The following CELF2 variants were observed in gnomAD, a reference collection of about 807,000 sequenced individuals.
The protein encoded by CELF2 is CUGBP Elav-like family member 2.
Under a neutral mutation model 62.6 loss-of-function variants are expected in CELF2, and 8 were observed. That is an observed-to-expected ratio of 0.13 (90% CI 0.07 to 0.23). CELF2 has a LOEUF of 0.23. CELF2 is among the 10% of genes least tolerant of loss of function. CELF2 has a pLI of 1.00. For synonymous variants in CELF2, 258 were observed against 250.0 expected, an observed-to-expected ratio of 1.03 and a Z score of -0.30; for missense variants, 333 against 671.0, an observed-to-expected ratio of 0.50 and a Z score of 5.56.
chr10:11,132,622 A>G (rs1032532140), intron 1 of CELF2, among the ~76,000 whole-genome samples: 2 of 152,202 alleles, frequency 1.3e-5, no homozygotes, highest in Non-Finnish European at 2.9e-5. Flanking sequence ...AGAAAGTTAC[A>G]GCTCATTCAA....
chr10:11,174,930 T>C (rs1012299311), intron 2 of CELF2, among the ~76,000 whole-genome samples: 1 of 152,198 alleles, frequency 6.6e-6, no homozygotes, highest in Non-Finnish European at 1.5e-5. Flanking sequence ...TTACTCAGAA[T>C]TGCTATCAAT....
chr10:10,819,809 C>T lies in CELF2; in HGVS notation c.53+20992C>T, dbSNP rs147076451. On this transcript the variant is annotated intron_variant, in intron 1 of 13. Coordinates refer to the CELF2 transcript ENST00000636488. ...TGATTTTTCATGCACCTTCAGTTCC[C>T]ACCCATTGTCAACTGTCTCAGACTT... 1.2e-3 allele frequency among the ~76,000 whole-genome samples: 185 copies of T among 152,212 alleles called. 1 individual carries two copies. The highest frequency in any genetic ancestry group is 0.01 in the Middle Eastern group (3 of 294).
chr10:10,885,527 T>A (rs2061695762), intron 1 of CELF2, among the ~76,000 whole-genome samples: 1 of 151,818 alleles, frequency 6.6e-6, no homozygotes, highest in Non-Finnish European at 1.5e-5. Context: ...AATACTTACA[T>A]AAAGGAAGCA....
Position 11,303,603 on chromosome 10 carries a change from T to C in CELF2, c.977-10536T>C, listed in dbSNP as rs181549188. ...CACGCCCATCCGCAGAGGCAGTGTG[T>C]GTTACTCCCGTTTCGTGAATAAACA... On this transcript the variant is annotated intron_variant, in intron 9 of 12. Transcript: ENST00000633077. 3.3e-5 allele frequency among the ~76,000 whole-genome samples: 5 copies of C among 152,344 alleles called. No individual in the cohort carries two copies. The East Asian group carries it at 9.6e-4, about 29-fold the overall frequency.
At chr10:10,669,010 T>C in the CELF2 span, among the ~76,000 whole-genome samples, 1 of 152,148 alleles carries the variant, frequency 6.6e-6, no homozygotes, top group Non-Finnish European at 1.5e-5. Flanking sequence ...TACATGACTA[T>C]GAATATTAGT....
chr10:10,880,508 C>T lies in CELF2; in HGVS notation c.54-39456C>T, dbSNP rs535904170. On this transcript the variant is annotated intron_variant, in intron 1 of 13. Coordinates refer to the CELF2 transcript ENST00000636488. ...CCTATCTCCTTAACCGCATCTTTTTCGGACTGACTCTTACCCGAGAATCCT... is the reference window on the plus strand; with the variant it reads ...CCTATCTCCTTAACCGCATCTTTTTTGGACTGACTCTTACCCGAGAATCCT... Among the ~76,000 whole-genome samples, 12 of 152,240 alleles carry T rather than the reference C, an allele frequency of 7.9e-5. No individual in the cohort carries two copies. The East Asian group carries it at 1.7e-3, about 22-fold the overall frequency.
the CELF2 span, among the ~76,000 whole-genome samples, chr10:10,689,019 G>A: frequency 0.19 from 28,789 of 151,550 alleles, 3,124 homozygotes; most frequent in South Asian, 0.4. Context: ...TAAAAAAAAA[G>A]TAGTTAAATT....
At chr10:11,173,070 G>A (rs2069504035) in intron 2 of CELF2, among the ~76,000 whole-genome samples, 1 of 152,108 alleles carries the variant, frequency 6.6e-6, no homozygotes, top group Admixed American at 6.5e-5. Flanking sequence ...TAGGCTGCCT[G>A]TCTAGGCTGC....
intron 2 of CELF2, among the ~76,000 whole-genome samples, chr10:10,982,147 G>T (rs1023232742): frequency 6.6e-6 from 1 of 151,802 alleles, no homozygotes; most frequent in African/African-American, 2.4e-5. Flanking sequence ...GTAGAGACAG[G>T]TTTCACCATG....
Position 11,275,619 on chromosome 10 carries a change from C to T in CELF2, c.841+499C>T, listed in dbSNP as rs2085763991. On this transcript the variant is annotated intron_variant, in intron 8 of 12. Coordinates refer to ENST00000633077, the MANE Select transcript of CELF2 (RefSeq NM_001326342.2). ...TAACGACAGACAATTAACAGGGTGC[C>T]TTTTTACCGTAGTGCCCCAGTTGAC... is the stretch of plus-strand genomic sequence containing the variant. Among the ~76,000 whole-genome samples, 3 of 152,168 alleles carry T rather than the reference C, an allele frequency of 2.0e-5. No individual in the cohort carries two copies. In the South Asian group the frequency reaches 6.2e-4, roughly 31 times the overall value.
At chr10:10,652,799 A>G in the CELF2 span, among the ~76,000 whole-genome samples, 9 of 152,078 alleles carry the variant, frequency 5.9e-5, no homozygotes, top group African/African-American at 2.2e-4. Context: ...CGAGACTAGG[A>G]AGAAACTGCA....
At chr10:11,045,800 A>T (rs2062720394) in intron 1 of CELF2, among the ~76,000 whole-genome samples, 1 of 152,230 alleles carries the variant, frequency 6.6e-6, no homozygotes, top group Non-Finnish European at 1.5e-5. Context: ...AATATAACAC[A>T]GAGACCCCCT....
chr10:10,631,042 G>A, the CELF2 span, among the ~76,000 whole-genome samples: 1 of 152,164 alleles, frequency 6.6e-6, no homozygotes, highest in South Asian at 2.1e-4. Context: ...CAACTATAGT[G>A]CGACGTTAAA....
the CELF2 span, among the ~76,000 whole-genome samples, chr10:10,603,236 G>A: frequency 4.6e-5 from 7 of 152,136 alleles, no homozygotes; most frequent in South Asian, 1.5e-3. Context: ...CAGTCACGTA[G>A]GGAGACTTAA....
rs554796406 is a variant in CELF2, at chr10:11,187,968, G to A, written c.271+22286G>A. On this transcript the variant is annotated intron_variant, in intron 2 of 12. Transcript: ENST00000633077. ...TTGTGTAGATCCATATTTCCTTCTG[G>A]CATCATTTTCCTTCTGCCTGAAGGA... is the stretch of plus-strand genomic sequence containing the variant. 3.0e-5 allele frequency among the ~76,000 whole-genome samples: 4 copies of A among 131,608 alleles called. No individual in the cohort carries two copies. In the South Asian group the frequency reaches 9.6e-4, roughly 32 times the overall value. 86.3% of individuals were successfully genotyped at this position (131,608 alleles called of 152,430 possible).
rs148723086 is a variant in CELF2 at position 11,221,193 on chromosome 10, G to A, written c.354+3686G>A. 4.8e-3 allele frequency among the ~76,000 whole-genome samples: 725 copies of A among 152,258 alleles called. 2 individuals are homozygous for A. The highest frequency in any genetic ancestry group is 8.4e-3 in the Admixed American group (129 of 15,298). ...TACTGCTGGGCCATTTATGGTTTTGGACTAATTTTGGTTGCACCTGCTTTG... is the reference window on the plus strand; with the variant it reads ...TACTGCTGGGCCATTTATGGTTTTGAACTAATTTTGGTTGCACCTGCTTTG... On this transcript the variant is annotated intron_variant, in intron 3 of 12. Coordinates refer to ENST00000633077, the MANE Select transcript of CELF2 (RefSeq NM_001326342.2).
At chr10:11,276,800 G>T (rs1047459421) in intron 8 of CELF2, among the ~76,000 whole-genome samples, 1 of 152,216 alleles carries the variant, frequency 6.6e-6, no homozygotes, top group Non-Finnish European at 1.5e-5. Flanking sequence ...ATTAGGATGT[G>T]TGTGCCTGTG....
chr10:11,123,785 GA>G (rs144751599), intron 1 of CELF2, among the ~76,000 whole-genome samples: 9,819 of 152,118 alleles, frequency 0.065, 394 homozygotes, highest in African/African-American at 0.092. Flanking sequence ...GAAAAACAAG[GA>G]AAAAAATATT....
At chr10:10,836,540 G>C (rs2058300451) in intron 1 of CELF2, among the ~76,000 whole-genome samples, 1 of 152,216 alleles carries the variant, frequency 6.6e-6, no homozygotes, top group Non-Finnish European at 1.5e-5. Context: ...ATGTATGCAG[G>C]CGAATCACTA....
Sources: allele counts gnomAD v4.1 joint callset (sites outside exome capture counted in the v4.1 genomes callset), GRCh38; gene constraint gnomAD v4.1.1; transcripts MANE v1.5; gene names NCBI Gene and HGNC (gene_info 2026-07-23, HGNC 2026-07-21).